SEPHS1: variants seen among roughly 807,000 people sequenced by gnomAD.
SEPHS1 encodes selenophosphate synthetase 1.
In SEPHS1, 7 loss-of-function variants were observed where a neutral mutation model predicts 39.2. The ratio of observed to expected loss-of-function variants is 0.18; its 90% CI spans 0.10 to 0.34. The LOEUF (loss-of-function observed/expected upper bound fraction) is 0.34. Ranked by LOEUF, SEPHS1 falls within the 10% of genes least tolerant of loss-of-function variation. The pLI is 1.00. For synonymous variants in SEPHS1, 190 were observed against 195.5 expected, an observed-to-expected ratio of 0.97 and a Z score of 0.23; for missense variants, 253 against 514.5, an observed-to-expected ratio of 0.49 and a Z score of 4.92.
At chr10:13,325,049 T>C (rs551081829) in intron 7 of SEPHS1, among the ~76,000 whole-genome samples, 1 of 152,308 alleles carries the variant, frequency 6.6e-6, no homozygotes, top group East Asian at 1.9e-4. Context: ...TTTGTATATT[T>C]TGGATACCTG....
At chr10:13,322,532 C>T (rs1261269150) in intron 8 of SEPHS1, among the ~76,000 whole-genome samples, 1 of 152,202 alleles carries the variant, frequency 6.6e-6, no homozygotes, top group Non-Finnish European at 1.5e-5. Context: ...AGGGGTATTA[C>T]AGTTAATTTC....
At chr10:13,341,180 G>A (rs944550255) in intron 2 of SEPHS1, among the ~76,000 whole-genome samples, 1 of 152,138 alleles carries the variant, frequency 6.6e-6, no homozygotes, top group African/African-American at 2.4e-5. Context: ...TTTCAAGGAA[G>A]GAAGAGAGAA....
intron 3 of SEPHS1, 40 bp from the exon 4 acceptor site, chr10:13,336,390 C>T (rs748082771): frequency 6.8e-7 from 1 of 1,479,428 alleles, no homozygotes; most frequent in Admixed American, 1.7e-5. Context: ...CGACCGGGGA[C>T]TTTCCATCTG....
intron 2 of SEPHS1, among the ~76,000 whole-genome samples, chr10:13,342,075 C>A (rs562792690): frequency 6.6e-6 from 1 of 150,422 alleles, no homozygotes; most frequent in African/African-American, 2.4e-5. Context: ...GTCAGGAGAT[C>A]GAGACCACTG....
At chr10:13,322,438 A>C (rs1833145560) in intron 8 of SEPHS1, among the ~76,000 whole-genome samples, 1 of 152,088 alleles carries the variant, frequency 6.6e-6, no homozygotes, top group Non-Finnish European at 1.5e-5. Flanking sequence ...GAGCCACCAC[A>C]CCTGGCCCCT....
intron 7 of SEPHS1, among the ~76,000 whole-genome samples, chr10:13,327,094 C>T (rs895868575): frequency 1.3e-5 from 2 of 151,668 alleles, no homozygotes; most frequent in Non-Finnish European, 2.9e-5. Flanking sequence ...AAAAATCCGC[C>T]GGGCATGGTG....
chr10:13,334,263 G>A (rs1011843459), intron 4 of SEPHS1, among the ~76,000 whole-genome samples: 7 of 152,078 alleles, frequency 4.6e-5, no homozygotes, highest in South Asian at 4.1e-4. Context: ...CTGGGTGACC[G>A]GGCACAGTGG....
At chr10:13,331,195 C>A (rs577951504) in intron 5 of SEPHS1, among the ~76,000 whole-genome samples, 1 of 152,072 alleles carries the variant, frequency 6.6e-6, no homozygotes, top group African/African-American at 2.4e-5. Flanking sequence ...TAGTATTCCA[C>A]GGTGTGTATG....
intron 7 of SEPHS1, among the ~76,000 whole-genome samples, chr10:13,324,419 A>C (rs1833202304): frequency 6.6e-6 from 1 of 152,192 alleles, no homozygotes; most frequent in African/African-American, 2.4e-5. Flanking sequence ...CTTTTGTGTG[A>C]ATGTAAGTTT....
chr10:13,324,120 C>A (rs1588533659), intron 7 of SEPHS1, among the ~76,000 whole-genome samples: 1 of 152,224 alleles, frequency 6.6e-6, no homozygotes, highest in African/African-American at 2.4e-5. Context: ...CTGGCCACCA[C>A]TGATCCTTTC....
At chr10:13,336,133 C>CTT (rs1833625687) in intron 4 of SEPHS1, 110 bp downstream of exon 4, 6 of 662,232 alleles carry the variant, frequency 9.1e-6, no homozygotes, top group African/African-American at 1.8e-5. Context: ...GTGCAGGGAG[C>CTT]CATATGGCCT....
rs1231909336 is a variant in SEPHS1, at chr10:13,336,243, C to T, written c.405G>A (p.Arg135=). ...LLGVSNKMTD[R]ERDKVMPLII... is the part of the protein sequence containing the mutation. Reference sequence around the variant, plus strand: ...CAGCAGCCGGGTAGCTCCTACTTACCCTGTCGGTCATTTTATTACTGACTC... The same window carrying T: ...CAGCAGCCGGGTAGCTCCTACTTACTCTGTCGGTCATTTTATTACTGACTC... Residue 135 remains arginine, a splice_region_variant and synonymous_variant, in exon 4 of 9, where the codon AGG becomes AGA. Coordinates refer to ENST00000327347, the MANE Select transcript of SEPHS1 (RefSeq NM_012247.5). 6.2e-7 allele frequency: 1 copy of T among 1,608,000 alleles called. No individual in the cohort carries two copies. Among genetic ancestry groups the T allele is most frequent in the African/African-American group, 1.3e-5 (1 of 74,870 alleles).
chr10:13,338,591 G>C, intron 3 of SEPHS1, 114 bp downstream of exon 3: 1 of 779,644 alleles, frequency 1.3e-6, no homozygotes, highest in South Asian at 1.6e-5. Context: ...CAGTATAGTC[G>C]GGATATAACA....
At chr10:13,332,619 G>A (rs776172727) in intron 5 of SEPHS1, among the ~76,000 whole-genome samples, 5 of 152,090 alleles carry the variant, frequency 3.3e-5, no homozygotes, top group Non-Finnish European at 5.9e-5. Context: ...TGAGGCGGTC[G>A]GATCATGAGA....
At chr10:13,332,729 G>A (rs1472824931) in intron 5 of SEPHS1, among the ~76,000 whole-genome samples, 2 of 151,778 alleles carry the variant, frequency 1.3e-5, no homozygotes, top group East Asian at 3.9e-4. Context: ...TGTAGTCCCA[G>A]CTACTCGGGA....
chr10:13,324,157 C>T (rs973697043), intron 7 of SEPHS1, among the ~76,000 whole-genome samples: 5 of 152,202 alleles, frequency 3.3e-5, no homozygotes, highest in Admixed American at 1.3e-4. Context: ...TGCAGAATGT[C>T]ATGCAGTTGG....
chr10:13,346,880 A>T (rs1833938176), intron 1 of SEPHS1, among the ~76,000 whole-genome samples: 1 of 152,148 alleles, frequency 6.6e-6, no homozygotes, highest in African/African-American at 2.4e-5. Context: ...AGGGTGGAAA[A>T]AAGTTTAAAA....
chr10:13,329,552 A>T, intron 6 of SEPHS1, 146 bp downstream of exon 6: 1 of 595,202 alleles, frequency 1.7e-6, no homozygotes, highest in South Asian at 2.3e-5. Context: ...AAGACTATGA[A>T]CAATTCCTAG....
At chr10:13,339,774 ACGATGTGAATG>A (rs1833735810) in intron 2 of SEPHS1, among the ~76,000 whole-genome samples, 1 of 152,140 alleles carries the variant, frequency 6.6e-6, no homozygotes, top group Non-Finnish European at 1.5e-5. Flanking sequence ...GACACCCAAT[ACGATGTGAATG>A]CGATGTAAAT....
Sources: gnomAD v4.1 joint callset for allele counts (sites outside exome capture counted in the v4.1 genomes callset) on GRCh38, gnomAD v4.1.1 for gene constraint, MANE v1.5 for transcripts, NCBI Gene and HGNC (gene_info 2026-07-23, HGNC 2026-07-21) for gene names.